The following SDK1 variants were observed in gnomAD, a reference collection of about 807,000 sequenced individuals.
SDK1 encodes the protein sidekick cell adhesion molecule 1.
In SDK1, 157 loss-of-function variants were observed where a neutral mutation model predicts 245.5. The ratio of observed to expected loss-of-function variants is 0.64; its 90% CI spans 0.56 to 0.73. The LOEUF (loss-of-function observed/expected upper bound fraction) is 0.73. SDK1 is among the 30% of genes least tolerant of loss of function. The probability of loss-of-function intolerance (pLI) is 0.00; values close to 1 mark genes in which losing one functional copy is unlikely to be tolerated. For missense variants in SDK1, 3,583 were observed against 3,002.3 expected (o/e 1.19, Z -4.52); for synonymous variants, 1,647 against 1,278.5 (o/e 1.29, Z -6.15).
At chr7:3,887,693 C>G (rs898272892) in intron 5 of SDK1, among the ~76,000 whole-genome samples, 1 of 152,194 alleles carries the variant, frequency 6.6e-6, no homozygotes, top group Non-Finnish European at 1.5e-5. Context: ...TCTCTATGTT[C>G]TACATCATAT....
intron 5 of SDK1, among the ~76,000 whole-genome samples, chr7:3,903,212 C>T (rs534604214): frequency 6.7e-5 from 10 of 150,342 alleles, no homozygotes; most frequent in Admixed American, 1.3e-4. Context: ...GGTGTAATCT[C>T]GGCTCACTGC....
At chr7:3,553,645 C>G (rs1779488211) in intron 1 of SDK1, among the ~76,000 whole-genome samples, 1 of 152,112 alleles carries the variant, frequency 6.6e-6, no homozygotes, top group Non-Finnish European at 1.5e-5. Flanking sequence ...TTCTTTCTTG[C>G]TGAGATACCC....
intron 1 of SDK1, among the ~76,000 whole-genome samples, chr7:3,413,244 A>G (rs546759198): frequency 5.3e-5 from 8 of 152,288 alleles, no homozygotes; most frequent in African/African-American, 1.4e-4. Flanking sequence ...AGAAACAAAC[A>G]GTAGGGTAGA....
intron 1 of SDK1, among the ~76,000 whole-genome samples, chr7:3,356,363 G>C (rs1241249910): frequency 6.6e-6 from 1 of 152,106 alleles, no homozygotes; most frequent in African/African-American, 2.4e-5. Context: ...CAAGAAGTAG[G>C]ACGCTGCCAG....
chr7:3,799,987 T>C (rs1276869415), intron 4 of SDK1, among the ~76,000 whole-genome samples: 2 of 152,136 alleles, frequency 1.3e-5, no homozygotes, highest in African/African-American at 2.4e-5. Context: ...CCCAGAACTT[T>C]GTTACTGTTT....
At chr7:3,715,966 A>C (rs367666735) in intron 4 of SDK1, among the ~76,000 whole-genome samples, 1 of 152,214 alleles carries the variant, frequency 6.6e-6, no homozygotes, top group African/African-American at 2.4e-5. Context: ...TAAAAAGTGA[A>C]AGTGAGTGAA....
chr7:3,598,339 C>T (rs556880062), intron 1 of SDK1, among the ~76,000 whole-genome samples: 1 of 152,268 alleles, frequency 6.6e-6, no homozygotes, highest in South Asian at 2.1e-4. Context: ...TTTTCTCTTA[C>T]TCTGTGGCTT....
chr7:3,910,257 A>T (rs1779118265), intron 5 of SDK1, among the ~76,000 whole-genome samples: 1 of 152,206 alleles, frequency 6.6e-6, no homozygotes, highest in South Asian at 2.1e-4. Flanking sequence ...AGACAAAACA[A>T]AAACAGATTA....
At chr7:3,471,076 A>G (rs1376294470) in intron 1 of SDK1, among the ~76,000 whole-genome samples, 1 of 152,174 alleles carries the variant, frequency 6.6e-6, no homozygotes, top group Non-Finnish European at 1.5e-5. Flanking sequence ...TTTGAGGACT[A>G]TTGGTATATG....
chr7:3,630,375 CTGA>C (rs1387026083), intron 2 of SDK1, among the ~76,000 whole-genome samples: 11 of 152,098 alleles, frequency 7.2e-5, no homozygotes, highest in Non-Finnish European at 1.3e-4. Context: ...TAAAAAGCTG[CTGA>C]TAAGTGAGTT....
At chr7:3,746,524 C>G (rs1204930518) in intron 4 of SDK1, among the ~76,000 whole-genome samples, 1 of 152,232 alleles carries the variant, frequency 6.6e-6, no homozygotes, top group Non-Finnish European at 1.5e-5. Context: ...AGTCACTCCT[C>G]TCAAATCCTG....
intron 12 of SDK1, among the ~76,000 whole-genome samples, chr7:3,971,927 G>T (rs557565849): frequency 3.0e-4 from 45 of 152,196 alleles, no homozygotes; most frequent in African/African-American, 1.0e-3. Context: ...CACGGGGGCT[G>T]TGCCACTCCC....
chr7:3,366,972 C>T (rs1781109729), intron 1 of SDK1, among the ~76,000 whole-genome samples: 1 of 151,920 alleles, frequency 6.6e-6, no homozygotes, highest in Non-Finnish European at 1.5e-5. Flanking sequence ...GATCTCCTGA[C>T]CTCGTGATCC....
At chr7:4,165,164 G>T (rs1221046758) in intron 32 of SDK1, among the ~76,000 whole-genome samples, 1 of 152,038 alleles carries the variant, frequency 6.6e-6, no homozygotes, top group Non-Finnish European at 1.5e-5. Context: ...TTCAAGACCA[G>T]CCTGGCCAAC....
At chr7:3,999,151 CAT>C (rs1312648455) in intron 14 of SDK1, among the ~76,000 whole-genome samples, 1 of 152,182 alleles carries the variant, frequency 6.6e-6, no homozygotes, top group African/African-American at 2.4e-5. Flanking sequence ...CGCACACACA[CAT>C]GTATCATGTC....
chr7:3,962,732 T>G lies in SDK1; in HGVS notation c.1310T>G (p.Val437Gly), dbSNP rs147881796. 4 of 1,613,772 alleles carry G rather than the reference T, an allele frequency of 2.5e-6. No homozygotes were observed. The highest frequency in any genetic ancestry group is 2.7e-5 in the African/African-American group (2 of 75,052). ...AGGCTCCAGAATCCTCGATACAAAG[T>G]GCTCGCCAGCGGAGGCCTGCGCATC... ...ISRLQNPRYKVLASGGLRIQK... is the reference protein window; with the variant it reads ...ISRLQNPRYKGLASGGLRIQK... The change falls in exon 9 of 45, where the codon GTG (valine) becomes GGG (glycine). Residue 437 changes from valine (V) to glycine (G), a missense_variant. By Grantham distance (109) the Val-to-Gly change is moderately radical. Transcript: ENST00000404826.
At chr7:3,837,297 T>G (rs1270267395) in intron 5 of SDK1, among the ~76,000 whole-genome samples, 2 of 152,204 alleles carry the variant, frequency 1.3e-5, no homozygotes, top group Non-Finnish European at 2.9e-5. Context: ...CACAATACCT[T>G]AAAAATACAT....
chr7:3,611,623 A>G lies in SDK1; in HGVS notation c.299-7457A>G, dbSNP rs1371691112. 2.0e-5 allele frequency among the ~76,000 whole-genome samples: 3 copies of G among 152,160 alleles called. 1 individual carries two copies. In the South Asian group the frequency reaches 6.2e-4, roughly 31 times the overall value. On this transcript the variant is annotated intron_variant, in intron 1 of 44. Transcript: ENST00000404826. The stretch of plus-strand genomic sequence containing the variant: ...TTTCAGTTCTTTAGGGAATCTTCAC[A>G]CTGTTTTCCATAGTGGTCGTGCTAG...
rs576644423 is a variant in SDK1 at position 3,933,183 on chromosome 7, T to G, written c.848-17740T>G. Among the ~76,000 whole-genome samples, 4 of 139,588 alleles carry G rather than the reference T, an allele frequency of 2.9e-5. No homozygotes were observed. The South Asian group carries it at 9.4e-4, about 33-fold the overall frequency. 91.6% of individuals were successfully genotyped at this position (139,588 alleles called of 152,430 possible). ...TGGAGTACAGTGGCTTGATCATAGC[T>G]CACTACAGCCTTGACCTCCTGGGCT... On this transcript the variant is annotated intron_variant, in intron 5 of 44. Coordinates refer to ENST00000404826, the MANE Select transcript of SDK1 (RefSeq NM_152744.4).
Sources: gnomAD v4.1 joint callset for allele counts (sites outside exome capture counted in the v4.1 genomes callset) on GRCh38, gnomAD v4.1.1 for gene constraint, MANE v1.5 for transcripts, NCBI Gene and HGNC (gene_info 2026-07-23, HGNC 2026-07-21) for gene names.